ZNF695: variants seen among roughly 807,000 people sequenced by gnomAD.
The protein encoded by ZNF695 is zinc finger protein 695.
A neutral mutation model predicts 11.2 loss-of-function variants in ZNF695; 11 were observed. The ratio of observed to expected loss-of-function variants is 0.98; its 90% CI spans 0.62 to 1.62. The LOEUF (loss-of-function observed/expected upper bound fraction) is 1.62. Among genes scored for constraint, ZNF695 ranks in the 40% most tolerant of loss-of-function variants. ZNF695 has a pLI of 0.00. For synonymous variants in ZNF695, 190 were observed against 201.4 expected, an observed-to-expected ratio of 0.94 and a Z score of 0.48; for missense variants, 559 against 590.5, an observed-to-expected ratio of 0.95 and a Z score of 0.55.
chr1:246,983,896 C>T (rs1378640224), downstream of ZNF695, among the ~76,000 whole-genome samples: 1 of 151,756 alleles, frequency 6.6e-6, no homozygotes, highest in African/African-American at 2.4e-5. Context: ...TGGCTCATAC[C>T]TATAATCCCA....
At chr1:246,965,974 A>G (rs1230459293) in intron 5 of ZNF695, among the ~76,000 whole-genome samples, 2 of 151,580 alleles carry the variant, frequency 1.3e-5, no homozygotes, top group Non-Finnish European at 2.9e-5. Flanking sequence ...CTTTTTATAA[A>G]TCACAATATC....
intron 1 of ZNF695, 38 bp from the exon 2 acceptor site, chr1:247,000,112 G>A (rs371975740): frequency 3.2e-6 from 5 of 1,562,308 alleles, no homozygotes; most frequent in Non-Finnish European, 4.3e-6. Flanking sequence ...GGTCACGGCA[G>A]AGTTCTTAAT....
At chr1:246,974,371 T>G (rs1460244962) in intron 4 of ZNF695, among the ~76,000 whole-genome samples, 2 of 152,176 alleles carry the variant, frequency 1.3e-5, no homozygotes, top group Admixed American at 1.3e-4. Flanking sequence ...TACTGGGTTA[T>G]GAGTCCCTCC....
intron 5 of ZNF695, among the ~76,000 whole-genome samples, chr1:246,959,201 C>A (rs1186954284): frequency 7.2e-6 from 1 of 139,320 alleles, no homozygotes; most frequent in Non-Finnish European, 1.5e-5. Context: ...ATTGCTTGAG[C>A]CCAGGAGTTT....
intron 1 of ZNF695, among the ~76,000 whole-genome samples, chr1:247,006,391 T>C (rs531176185): frequency 6.6e-6 from 1 of 152,148 alleles, no homozygotes; most frequent in East Asian, 1.9e-4. Flanking sequence ...GGCGGGCGGA[T>C]CACGAGGTCA....
chr1:246,972,850 C>T (rs540857362), intron 4 of ZNF695, among the ~76,000 whole-genome samples: 1 of 151,542 alleles, frequency 6.6e-6, no homozygotes, highest in South Asian at 2.1e-4. Flanking sequence ...CAAAAGAACA[C>T]CGATTTCTGC....
At chr1:246,993,818 T>G (rs1669113126) in intron 3 of ZNF695, among the ~76,000 whole-genome samples, 1 of 152,166 alleles carries the variant, frequency 6.6e-6, no homozygotes. Context: ...ATAGAAATTA[T>G]GGAGCTCAAG....
chr1:246,981,991 C>T (rs1668721319), downstream of ZNF695, among the ~76,000 whole-genome samples: 1 of 152,078 alleles, frequency 6.6e-6, no homozygotes, highest in African/African-American at 2.4e-5. Flanking sequence ...TTATTTCAGG[C>T]CGGGGGCAGT....
Position 246,987,581 on chromosome 1 carries a change from T to A in ZNF695, c.934A>T (p.Thr312Ser). Residue 312 changes from threonine to serine, a missense_variant, in exon 4 of 4, where the codon ACT becomes TCT. Thr to Ser is a moderately conservative substitution (Grantham distance 58, BLOSUM62 1). Transcript: ENST00000339986. ...CTACTATGAATTCTCTTGTGTTGAG[T>A]AAGGTATGGGAACAACTTAAAGGAT... ...GKSFKLFPYL[T>S]QHKRIHSREK... 1 of 1,596,534 alleles carries A rather than the reference T, an allele frequency of 6.3e-7. No individual in the cohort carries two copies. Among genetic ancestry groups the A allele is most frequent in the Non-Finnish European group, 8.5e-7 (1 of 1,173,534 alleles).
chr1:246,997,915 T>A (rs1446243968), intron 3 of ZNF695, among the ~76,000 whole-genome samples: 1 of 152,146 alleles, frequency 6.6e-6, no homozygotes, highest in Non-Finnish European at 1.5e-5. Context: ...GAAGATGGTA[T>A]TAAAAGGGCA....
chr1:246,958,202 G>C (rs1239889571), intron 5 of ZNF695, among the ~76,000 whole-genome samples: 1 of 151,566 alleles, frequency 6.6e-6, no homozygotes, highest in Non-Finnish European at 1.5e-5. Context: ...GGGACTACAG[G>C]TGCACACCAC....
At position 246,987,773 on chromosome 1, in the gene ZNF695, T is replaced by C. The variant is rs1668898289; in HGVS notation, c.742A>G (p.Ile248Val). ...GCAAGACTTGAGCAAGACTTAAAAA[T>C]GTTATTACATTCTTCACATTTGCAA... ...KHCKCEECNN[I>V]FKSCSSLAVV... The change falls in exon 4 of 4, where the codon ATT becomes GTT. Residue 248 changes from isoleucine (I) to valine (V), a missense_variant. By Grantham distance (29) the Ile-to-Val change is conservative. Transcript: ENST00000339986. 1 of 1,600,382 alleles carries C rather than the reference T, an allele frequency of 6.2e-7. No homozygotes were observed.
chr1:246,964,818 C>A (rs1668245754), intron 5 of ZNF695, among the ~76,000 whole-genome samples: 1 of 152,106 alleles, frequency 6.6e-6, no homozygotes, highest in African/African-American at 2.4e-5. Flanking sequence ...TTGCAGTGAG[C>A]TGAGATCGCG....
intron 5 of ZNF695, among the ~76,000 whole-genome samples, chr1:246,947,408 G>A (rs1667766681): frequency 6.6e-6 from 1 of 152,024 alleles, no homozygotes; most frequent in African/African-American, 2.4e-5. Flanking sequence ...TGTTTTGAAG[G>A]TTTGGGAAGC....
chr1:246,974,749 G>A (rs1376576584), intron 4 of ZNF695, among the ~76,000 whole-genome samples: 1 of 152,190 alleles, frequency 6.6e-6, no homozygotes. Context: ...GTAGAAATAA[G>A]CTTGGTAAGT....
chr1:246,958,258 C>T (rs1015061244), intron 5 of ZNF695, among the ~76,000 whole-genome samples: 1 of 152,006 alleles, frequency 6.6e-6, no homozygotes, highest in East Asian at 1.9e-4. Flanking sequence ...CAGGGTTTCA[C>T]CATGTTAGCC....
chr1:246,981,919 A>G (rs917372594), downstream of ZNF695, among the ~76,000 whole-genome samples: 9 of 152,212 alleles, frequency 5.9e-5, no homozygotes, highest in Non-Finnish European at 8.8e-5. Context: ...ACTGCACCCA[A>G]TGAAACATAG....
intron 5 of ZNF695, among the ~76,000 whole-genome samples, chr1:246,964,922 C>T (rs1668248412): frequency 6.6e-6 from 1 of 152,032 alleles, no homozygotes; most frequent in Admixed American, 6.6e-5. Context: ...AACTTAATCC[C>T]CAATGTGGCA....
At chr1:246,979,108 G>T (rs1668640706) in intron 4 of ZNF695, among the ~76,000 whole-genome samples, 1 of 152,128 alleles carries the variant, frequency 6.6e-6, no homozygotes, top group African/African-American at 2.4e-5. Context: ...CCTAGGCTAG[G>T]ATCTAAAGTC....
Sources: gnomAD v4.1 joint callset for allele counts (sites outside exome capture counted in the v4.1 genomes callset) on GRCh38, gnomAD v4.1.1 for gene constraint, MANE v1.5 for transcripts, NCBI Gene and HGNC (gene_info 2026-07-23, HGNC 2026-07-21) for gene names.